Variants in VTCN1 observed in about 807,000 individuals in gnomAD.
VTCN1 encodes V-set domain containing T cell activation inhibitor 1.
VTCN1 carries 26 observed loss-of-function variants against 26.5 expected under a neutral mutation model. That is an observed-to-expected ratio of 0.98 (90% confidence interval 0.72 to 1.36). The LOEUF is 1.36. Among genes scored for constraint, VTCN1 ranks in the 40% most tolerant of loss-of-function variants. The pLI is 0.00. For synonymous variants in VTCN1, 116 were observed against 130.7 expected, an observed-to-expected ratio of 0.89 and a Z score of 0.77; for missense variants, 298 against 337.7, an observed-to-expected ratio of 0.88 and a Z score of 0.92.
At chr1:117,199,717 C>A (rs934712790) in intron 1 of VTCN1, among the ~76,000 whole-genome samples, 4 of 149,926 alleles carry the variant, frequency 2.7e-5, no homozygotes, top group Non-Finnish European at 5.9e-5. Context: ...CTCACTGCAA[C>A]CTCTGCCTTC....
At position 117,200,704 on chromosome 1, in the gene VTCN1, C is replaced by T. The variant is rs114226614; in HGVS notation, c.32+10120G>A. Among the ~76,000 whole-genome samples, 564 of 152,268 alleles carry T rather than the reference C, an allele frequency of 3.7e-3. 2 individuals carry two copies. The highest frequency in any genetic ancestry group is 0.013 in the African/African-American group (522 of 41,534). ...CAGGATCTTACAGCAACACTATTTA[C>T]AAATGATGGTTAGCTTTTCCAGCAA... On this transcript the variant is annotated intron_variant, in intron 1 of 5. Coordinates refer to ENST00000369458, the MANE Select transcript of VTCN1 (RefSeq NM_024626.4).
intron 1 of VTCN1, 85 bp from the exon 2 acceptor site, chr1:117,170,256 GGATAA>G (rs1652835721): frequency 2.4e-6 from 3 of 1,275,788 alleles, no homozygotes; most frequent in Middle Eastern, 1.8e-4. Context: ...AATCTGTTGT[GGATAA>G]GATGAGTTAC....
intron 1 of VTCN1, among the ~76,000 whole-genome samples, chr1:117,193,690 G>A (rs1432605246): frequency 2.0e-5 from 3 of 152,032 alleles, no homozygotes; most frequent in Non-Finnish European, 4.4e-5. Flanking sequence ...TGGACAGATC[G>A]TTTAGACAGA....
chr1:117,191,381 T>C (rs1557875362), intron 1 of VTCN1, among the ~76,000 whole-genome samples: 1 of 152,204 alleles, frequency 6.6e-6, no homozygotes, highest in East Asian at 1.9e-4. Flanking sequence ...AGGCCAGGCG[T>C]GGTGGCCTAT....
intron 1 of VTCN1, among the ~76,000 whole-genome samples, chr1:117,201,405 G>A (rs989004195): frequency 9.2e-5 from 14 of 152,134 alleles, no homozygotes; most frequent in African/African-American, 2.7e-4. Context: ...ACAGTAACTC[G>A]GGATTATGGC....
At position 117,147,412 on chromosome 1, in the gene VTCN1, C is replaced by T. The variant is rs576871362; in HGVS notation, c.*45+201G>A. On this transcript the variant is annotated intron_variant, in intron 5 of 5. Transcript: ENST00000369458. The surrounding 1 kb of genome is among the most constrained non-coding windows in gnomAD (Gnocchi z 4.6). ...AATACTTGAATTGTATGTTATTTTT[C>T]CTATGGGTCTGTCAATGAAGTCTAT... 1.3e-5 allele frequency among the ~76,000 whole-genome samples: 2 copies of T among 152,174 alleles called. No individual in the cohort carries two copies. The highest frequency in any genetic ancestry group is 3.9e-4 in the East Asian group (2 of 5,178).
At chr1:117,164,956 T>C (rs1343987877) in intron 2 of VTCN1, among the ~76,000 whole-genome samples, 1 of 152,236 alleles carries the variant, frequency 6.6e-6, no homozygotes, top group African/African-American at 2.4e-5. Flanking sequence ...AGGAGGAGGA[T>C]GGCTATGAGA....
chr1:117,194,084 C>A (rs941400360), intron 1 of VTCN1, among the ~76,000 whole-genome samples: 4 of 151,922 alleles, frequency 2.6e-5, no homozygotes, highest in Non-Finnish European at 4.4e-5. Flanking sequence ...AACAGGCAAC[C>A]TAAAGAATAG....
intron 2 of VTCN1, among the ~76,000 whole-genome samples, chr1:117,158,251 G>A (rs1652188219): frequency 1.3e-5 from 2 of 152,172 alleles, no homozygotes; most frequent in Admixed American, 1.3e-4. Context: ...TTTTCCTTCT[G>A]CACTGCCCTA....
At chr1:117,166,792 T>C (rs1477136472) in intron 2 of VTCN1, among the ~76,000 whole-genome samples, 2 of 152,002 alleles carry the variant, frequency 1.3e-5, no homozygotes, top group Non-Finnish European at 2.9e-5. Context: ...TATTTCCTTA[T>C]AAAGAATATA....
At chr1:117,162,395 G>A (rs779091729) in intron 2 of VTCN1, among the ~76,000 whole-genome samples, 1 of 152,134 alleles carries the variant, frequency 6.6e-6, no homozygotes, top group African/African-American at 2.4e-5. Context: ...GGAGGATTAT[G>A]CCATCTGGCC....
intron 1 of VTCN1, among the ~76,000 whole-genome samples, chr1:117,178,929 T>G (rs1647527692): frequency 6.6e-6 from 1 of 152,114 alleles, no homozygotes; most frequent in South Asian, 2.1e-4. Flanking sequence ...GCCCTGTGTA[T>G]TCCATCCCTG....
intron 1 of VTCN1, among the ~76,000 whole-genome samples, chr1:117,171,601 G>C (rs967325257): frequency 6.6e-6 from 1 of 152,120 alleles, no homozygotes; most frequent in African/African-American, 2.4e-5. Flanking sequence ...TGACACCCGG[G>C]AAACTAAATA....
chr1:117,153,429 C>G (rs559638321), intron 3 of VTCN1, 60 bp from the exon 4 acceptor site: 111 of 1,521,602 alleles, frequency 7.3e-5, no homozygotes, highest in South Asian at 1.7e-4. Flanking sequence ...GACAATATAG[C>G]CTTTGAAGCG....
intron 2 of VTCN1, among the ~76,000 whole-genome samples, chr1:117,164,880 C>G (rs1281848025): frequency 6.6e-6 from 1 of 152,226 alleles, no homozygotes; most frequent in African/African-American, 2.4e-5. Flanking sequence ...ACCCCTCAAC[C>G]TCTCTTTCAA....
chr1:117,199,461 G>T (rs947414835), intron 1 of VTCN1, among the ~76,000 whole-genome samples: 3 of 152,050 alleles, frequency 2.0e-5, no homozygotes, highest in Non-Finnish European at 2.9e-5. Flanking sequence ...GAGTAGCTGG[G>T]ATTGCAGATG....
chr1:117,203,109 AGGAGGG>A (rs1366769540), intron 1 of VTCN1, among the ~76,000 whole-genome samples: 1 of 152,166 alleles, frequency 6.6e-6, no homozygotes, highest in Non-Finnish European at 1.5e-5. Context: ...CTCTGGTACC[AGGAGGG>A]GAGGCAAAGA....
chr1:117,188,594 T>C (rs1373015593), intron 1 of VTCN1, among the ~76,000 whole-genome samples: 1 of 152,238 alleles, frequency 6.6e-6, no homozygotes, highest in Admixed American at 6.5e-5. Context: ...AATTCACCAA[T>C]CACATTTATT....
chr1:117,206,366 G>A (rs1649075675), intron 1 of VTCN1, among the ~76,000 whole-genome samples: 1 of 152,084 alleles, frequency 6.6e-6, no homozygotes, highest in Non-Finnish European at 1.5e-5. Flanking sequence ...GATTGTAGAG[G>A]GAGTTGCAAG....
Sources: gnomAD v4.1 joint callset for allele counts (sites outside exome capture counted in the v4.1 genomes callset) on GRCh38, gnomAD v4.1.1 for gene constraint, Gnocchi (gnomAD v3.1) non-coding constraint, MANE v1.5 for transcripts, NCBI Gene and HGNC (gene_info 2026-07-23, HGNC 2026-07-21) for gene names.